Variants in CSAD observed in about 807,000 individuals in gnomAD.
CSAD encodes the protein P-selectin cytoplasmic tail-associated protein.
A neutral mutation model predicts 61.5 loss-of-function variants in CSAD; 47 were observed. The ratio of observed to expected loss-of-function variants is 0.76; its 90% CI spans 0.60 to 0.97. The LOEUF (loss-of-function observed/expected upper bound fraction) is 0.97, where lower values mean the gene tolerates loss of function less well. Among genes scored for constraint, CSAD ranks in the 50% least tolerant of loss-of-function variants. CSAD has a pLI of 0.00. For synonymous variants in CSAD, 245 were observed against 252.7 expected (o/e 0.97, Z 0.29); for missense variants, 611 against 643.6 (o/e 0.95, Z 0.55).
intron 1 of CSAD, chr12:53,179,740 A>T (rs1247177838): frequency 6.5e-7 from 1 of 1,532,320 alleles, no homozygotes; most frequent in Non-Finnish European, 9.0e-7. Flanking sequence ...TGGTATCACC[A>T]TTACTTCTCC....
At chr12:53,180,488 GC>G in intron 1 of CSAD, 1 of 1,224,134 alleles carries the variant, frequency 8.2e-7, no homozygotes, top group South Asian at 1.4e-5. Flanking sequence ...GGCGGCCGGG[GC>G]GCGCCCCGGC....
Position 53,171,212 on chromosome 12 carries a change from C to G in CSAD, c.567+114G>C, listed in dbSNP as rs1195984808. 5.3e-6 allele frequency: 8 copies of G among 1,503,238 alleles called. No individual in the cohort carries two copies. The South Asian group carries it at 9.3e-5, about 17-fold the overall frequency. The allele number at this position is 1,503,238 out of a possible 1,614,324, so 93.1% of individuals were successfully genotyped here. On this transcript the variant is annotated intron_variant, in intron 8 of 16. Coordinates refer to ENST00000444623, the MANE Select transcript of CSAD (RefSeq NM_001244705.2). ...GGAAGGAAGCACATCCGCCTGGGGG[C>G]AGGCTGGCCTTGGAGGATGTAGGGA...
chr12:53,159,821 T>C (rs1037477382), intron 15 of CSAD, 66 bp downstream of exon 15: 13 of 1,544,114 alleles, frequency 8.4e-6, no homozygotes, highest in Admixed American at 7.7e-5. Context: ...AGGGCTTTAG[T>C]TGGGGCTTGG....
At chr12:53,177,898 C>T (rs1220684756) in intron 2 of CSAD, 1 of 155,006 alleles carries the variant, frequency 6.5e-6, no homozygotes, top group Non-Finnish European at 1.5e-5. Flanking sequence ...CCTCGGTCTC[C>T]CAGAGTGCTG....
intron 10 of CSAD, chr12:53,164,319 T>C: frequency 5.7e-6 from 1 of 175,744 alleles, no homozygotes; most frequent in Admixed American, 5.7e-5. Context: ...AGCAAAGACA[T>C]GGAATCAACC....
At chr12:53,169,354 C>T (rs1940282562) in intron 10 of CSAD, among the ~76,000 whole-genome samples, 1 of 151,902 alleles carries the variant, frequency 6.6e-6, no homozygotes, top group African/African-American at 2.4e-5. Context: ...TGGCACACGC[C>T]TATAATCCCA....
intron 1 of CSAD, 181 bp downstream of exon 1, chr12:53,180,551 G>C (rs769609046): frequency 1.6e-6 from 2 of 1,279,154 alleles, no homozygotes; most frequent in Non-Finnish European, 1.0e-6. Context: ...CTCGGCGCAC[G>C]GCGCCGCCCA....
At chr12:53,171,527 C>T in intron 7 of CSAD, 86 bp from the exon 8 acceptor site, 2 of 1,336,076 alleles carry the variant, frequency 1.5e-6, no homozygotes, top group South Asian at 1.2e-5. Flanking sequence ...ACCAGAAGAG[C>T]TCATCAAAGA....
At chr12:53,178,423 T>C (rs1170785882) in intron 2 of CSAD, 1 of 455,532 alleles carries the variant, frequency 2.2e-6, no homozygotes, top group Non-Finnish European at 4.4e-6. Flanking sequence ...GCCCAGGAGG[T>C]TGAGGCTGCA....
Position 53,158,229 on chromosome 12 carries a change from C to G in CSAD, c.*282G>C, listed in dbSNP as rs575385091. On this transcript the variant is annotated 3_prime_UTR_variant, in exon 17 of 17. Transcript: ENST00000444623. Reference sequence around the variant, plus strand: ...TCTCGGCTCACTGCAACCTCTGCCCCCTGGGTTCAAGCAATTCTGCCCCAA... The same window carrying G: ...TCTCGGCTCACTGCAACCTCTGCCCGCTGGGTTCAAGCAATTCTGCCCCAA... The G allele has an allele frequency of 8.2e-6, 2 of 244,134 alleles. No individual in the cohort carries two copies. Among genetic ancestry groups the G allele is most frequent in the East Asian group, 1.0e-4 (1 of 10,032 alleles). The allele number at this position is 244,134 out of a possible 1,614,324, so 15.1% of individuals were successfully genotyped here.
intron 7 of CSAD, 32 bp from the exon 8 acceptor site, chr12:53,171,473 AGGAGCAGTGGGTCAAGACT>A: frequency 1.2e-6 from 2 of 1,608,340 alleles, no homozygotes; most frequent in Non-Finnish European, 1.7e-6. Flanking sequence ...GGCAAGAGGA[AGGAGCAGTGGGTCAAGACT>A]GGAGCTTGCC....
chr12:53,171,577 C>A, intron 7 of CSAD, 136 bp from the exon 8 acceptor site: 1 of 793,980 alleles, frequency 1.3e-6, no homozygotes, highest in South Asian at 1.7e-5. Context: ...TTCTCAGGAT[C>A]ATACCATCCC....
intron 1 of CSAD, chr12:53,179,907 T>C (rs577174910): frequency 7.5e-6 from 12 of 1,607,720 alleles, no homozygotes; most frequent in African/African-American, 6.7e-5. Context: ...GGTTTCCATT[T>C]TCCTAATGCA....
intron 16 of CSAD, among the ~76,000 whole-genome samples, chr12:53,159,132 G>A (rs908903262): frequency 6.6e-6 from 1 of 152,090 alleles, no homozygotes; most frequent in Admixed American, 6.6e-5. Flanking sequence ...CTTCCAAGTA[G>A]GTAACTCTTG....
At chr12:53,170,260 G>A in intron 9 of CSAD, 134 bp from the exon 10 acceptor site, 1 of 987,070 alleles carries the variant, frequency 1.0e-6, no homozygotes, top group Middle Eastern at 2.1e-4. Flanking sequence ...GGGCAGAGGT[G>A]GGAGACGCTG....
rs187326418 is a variant in CSAD at position 53,173,878 on chromosome 12, C to T, written c.-49-108G>A. 3.5e-3 allele frequency: 3,826 copies of T among 1,104,670 alleles called. 17 individuals carry two copies. Among genetic ancestry groups the T allele is most frequent in the Non-Finnish European group, 4.0e-3 (3,007 of 754,440 alleles). The allele number at this position is 1,104,670 out of a possible 1,614,324, so 68.4% of individuals were successfully genotyped here. On this transcript the variant is annotated intron_variant, in intron 2 of 16. Coordinates refer to ENST00000444623, the MANE Select transcript of CSAD (RefSeq NM_001244705.2). The stretch of plus-strand genomic sequence containing the variant: ...TGTTGCAACCATCATCACTATCTAA[C>T]GCCAGAACATTTTCATCACCCAAAA...
In CSAD at chr12:53,172,575, T is replaced by C. The variant is rs1196222764; in HGVS notation, c.200A>G (p.Gln67Arg). 6.2e-7 allele frequency: 1 copy of C among 1,613,246 alleles called. No individual in the cohort carries two copies. Among genetic ancestry groups the C allele is most frequent in the East Asian group, 2.2e-5 (1 of 44,838 alleles). ...CCGACACCGCTCCAGGATCTGCTTC[T>C]GTGACTCGCCCTGGCTCCGCAGCTC... Reference protein sequence around the residue: ...DLELRSQGESQKQILERCRAV... With the variant: ...DLELRSQGESRKQILERCRAV... Residue 67 changes from glutamine (Q) to arginine (R), a missense_variant, in exon 5 of 17, where the codon CAG becomes CGG. Transcript: ENST00000444623.
At chr12:53,176,524 C>T (rs1941120026) in intron 2 of CSAD, among the ~76,000 whole-genome samples, 1 of 151,972 alleles carries the variant, frequency 6.6e-6, no homozygotes, top group Non-Finnish European at 1.5e-5. Context: ...TCGAGACCAT[C>T]CTGGCTAATA....
chr12:53,175,656 C>G lies in CSAD; in HGVS notation c.-49-1886G>C, dbSNP rs528663059. Among the ~76,000 whole-genome samples the G allele has an allele frequency of 3.7e-4, 56 of 152,276 alleles. No individual in the cohort carries two copies. The Middle Eastern group carries it at 0.01, about 28-fold the overall frequency. ...TTCTTGATTGTCCTCTCCCCTCCCC[C>G]AGGGACTTGCACAGAGGCATTACAT... On this transcript the variant is annotated intron_variant, in intron 2 of 16. Coordinates refer to ENST00000444623, the MANE Select transcript of CSAD (RefSeq NM_001244705.2).
Sources: allele counts gnomAD v4.1 joint callset (sites outside exome capture counted in the v4.1 genomes callset), GRCh38; gene constraint gnomAD v4.1.1; transcripts MANE v1.5; gene names NCBI Gene and HGNC (gene_info 2026-07-23, HGNC 2026-07-21).